The following GALNT13 variants were observed in gnomAD, a reference collection of about 807,000 sequenced individuals.
GALNT13 encodes the protein polypeptide N-acetylgalactosaminyltransferase 13, also known as UDP-GalNAc:polypeptide N-acetylgalactosaminyltransferase 13.
Under a neutral mutation model 64.2 loss-of-function variants are expected in GALNT13, and 28 were observed. That is an observed-to-expected ratio of 0.44 (90% CI 0.32 to 0.60). The LOEUF (loss-of-function observed/expected upper bound fraction) is 0.60. Among genes scored for constraint, GALNT13 ranks in the 20% least tolerant of loss-of-function variants. The pLI is 0.05. For synonymous variants in GALNT13, 214 were observed against 224.6 expected (o/e 0.95, Z 0.42); for missense variants, 577 against 669.8 (o/e 0.86, Z 1.53).
chr2:154,108,470 A>G (rs758267562), intron 3 of GALNT13, among the ~76,000 whole-genome samples: 2 of 151,660 alleles, frequency 1.3e-5, no homozygotes, highest in African/African-American at 2.4e-5. Flanking sequence ...GAGTTCTTTC[A>G]ATTTCTTACA....
chr2:153,841,667 C>T, the GALNT13 span, among the ~76,000 whole-genome samples: 19 of 152,056 alleles, frequency 1.2e-4, no homozygotes, highest in Non-Finnish European at 2.5e-4. Context: ...CTGTTCTTCC[C>T]CTACTCTCAT....
chr2:154,052,972 C>T (rs531732080), intron 3 of GALNT13, among the ~76,000 whole-genome samples: 4 of 152,112 alleles, frequency 2.6e-5, no homozygotes, highest in Non-Finnish European at 4.4e-5. Context: ...CTCCTGACCT[C>T]GTGATCCACG....
At chr2:154,286,355 T>C (rs1387216620) in intron 8 of GALNT13, among the ~76,000 whole-genome samples, 2 of 152,286 alleles carry the variant, frequency 1.3e-5, no homozygotes, top group Non-Finnish European at 2.9e-5. Flanking sequence ...ATTTATTCTA[T>C]ACCTAGTTTT....
At position 153,993,005 on chromosome 2, in the gene GALNT13, A is replaced by G. The variant is rs372440129; in HGVS notation, c.142+48366A>G. Among the ~76,000 whole-genome samples the G allele has an allele frequency of 2.4e-4, 36 of 152,320 alleles. No individual in the cohort carries two copies. In the East Asian group the frequency reaches 6.8e-3, roughly 29 times the overall value. ...AATAGAAAATATACTGTGAAATTAG[A>G]CATGATAGACTCTGGGGAAGCATTT... On this transcript the variant is annotated intron_variant, in intron 3 of 12. Transcript: ENST00000392825.
chr2:153,979,603 CTTTATTCTAATAGCTTTTAAAAT>C (rs937608391), intron 3 of GALNT13, among the ~76,000 whole-genome samples: 1 of 152,154 alleles, frequency 6.6e-6, no homozygotes, highest in African/African-American at 2.4e-5. Context: ...GAGTTGAGCT[CTTTATTCTAATAGCTTTTAAAAT>C]ACAAATGCGC....
intron 9 of GALNT13, among the ~76,000 whole-genome samples, chr2:154,337,314 A>G (rs995327480): frequency 6.6e-6 from 1 of 152,138 alleles, no homozygotes; most frequent in Non-Finnish European, 1.5e-5. Context: ...AAAAGTACTT[A>G]TGAATGATAA....
the GALNT13 span, among the ~76,000 whole-genome samples, chr2:153,545,122 C>T: frequency 7.2e-5 from 11 of 152,092 alleles, no homozygotes; most frequent in Admixed American, 3.9e-4. Flanking sequence ...AAAAAAGGAG[C>T]GCTTAACCCA....
intron 9 of GALNT13, among the ~76,000 whole-genome samples, chr2:154,381,127 T>G (rs535219663): frequency 5.3e-5 from 8 of 152,236 alleles, no homozygotes; most frequent in African/African-American, 1.7e-4. Flanking sequence ...GGGTCACACC[T>G]AGACATAAAT....
the GALNT13 span, among the ~76,000 whole-genome samples, chr2:153,427,394 A>G: frequency 9.2e-5 from 14 of 152,292 alleles, no homozygotes; most frequent in Non-Finnish European, 1.6e-4. Flanking sequence ...TTAGGATGTA[A>G]GAGAAATTTT....
At chr2:154,051,998 T>G (rs1699648575) in intron 3 of GALNT13, among the ~76,000 whole-genome samples, 1 of 152,182 alleles carries the variant, frequency 6.6e-6, no homozygotes, top group Non-Finnish European at 1.5e-5. Flanking sequence ...TGAATTTTTT[T>G]TTTTACTTGT....
chr2:154,426,132 G>A (rs1700458786), intron 11 of GALNT13, among the ~76,000 whole-genome samples: 1 of 152,144 alleles, frequency 6.6e-6, no homozygotes. Flanking sequence ...AGCCTCAGGG[G>A]ATTCCTCTTC....
At chr2:153,515,752 T>C in the GALNT13 span, among the ~76,000 whole-genome samples, 1 of 152,248 alleles carries the variant, frequency 6.6e-6, no homozygotes, top group East Asian at 1.9e-4. Flanking sequence ...TGGGTTAAGT[T>C]ATGCAGAAAA....
chr2:153,826,770 G>A, the GALNT13 span, among the ~76,000 whole-genome samples: 1 of 152,028 alleles, frequency 6.6e-6, no homozygotes, highest in Non-Finnish European at 1.5e-5. Flanking sequence ...AGATACAGGG[G>A]GCTTGGACTC....
intron 1 of GALNT13, among the ~76,000 whole-genome samples, chr2:153,875,598 T>G (rs1686309996): frequency 6.6e-6 from 1 of 152,172 alleles, no homozygotes; most frequent in Non-Finnish European, 1.5e-5. Flanking sequence ...GTACAGCTTA[T>G]AAAGACTTCG....
the GALNT13 span, among the ~76,000 whole-genome samples, chr2:153,162,505 G>A: frequency 2.0e-5 from 3 of 151,978 alleles, no homozygotes; most frequent in East Asian, 1.9e-4. Flanking sequence ...AAAACATTTC[G>A]AATCCCAGCC....
the GALNT13 span, among the ~76,000 whole-genome samples, chr2:153,163,276 G>A: frequency 6.6e-6 from 1 of 152,152 alleles, no homozygotes; most frequent in Admixed American, 6.5e-5. Context: ...GTCTGGATCT[G>A]ATTTTAGAGT....
At chr2:153,596,334 A>C in the GALNT13 span, among the ~76,000 whole-genome samples, 3 of 152,246 alleles carry the variant, frequency 2.0e-5, no homozygotes, top group Middle Eastern at 6.8e-3. Flanking sequence ...TGGAGACAAA[A>C]ACTCCACTTC....
At chr2:154,320,269 G>A (rs1694553374) in intron 9 of GALNT13, among the ~76,000 whole-genome samples, 1 of 152,066 alleles carries the variant, frequency 6.6e-6, no homozygotes, top group Non-Finnish European at 1.5e-5. Context: ...TCATTGTCAA[G>A]GGAGAATAAG....
At chr2:154,255,743 A>C (rs1573964114) in intron 7 of GALNT13, among the ~76,000 whole-genome samples, 1 of 152,106 alleles carries the variant, frequency 6.6e-6, no homozygotes, top group Admixed American at 6.6e-5. Context: ...ATGGTTGAGA[A>C]GAGTCCAAAA....
Sources: allele counts gnomAD v4.1 joint callset (sites outside exome capture counted in the v4.1 genomes callset), GRCh38; gene constraint gnomAD v4.1.1; transcripts MANE v1.5; gene names NCBI Gene and HGNC (gene_info 2026-07-23, HGNC 2026-07-21).